GLDN: variants seen among roughly 807,000 people sequenced by gnomAD.
GLDN encodes collomin.
GLDN carries 47 observed loss-of-function variants against 56.5 expected under a neutral mutation model. The ratio of observed to expected loss-of-function variants is 0.83; its 90% CI spans 0.66 to 1.06. The LOEUF (loss-of-function observed/expected upper bound fraction) is 1.06, where lower values mean the gene tolerates loss of function less well. Among genes scored for constraint, GLDN ranks in the 50% least tolerant of loss-of-function variants. The pLI is 0.00. For missense variants in GLDN, 782 were observed against 714.3 expected (o/e 1.09, Z -1.08); for synonymous variants, 332 against 278.8 (o/e 1.19, Z -1.90).
At chr15:51,380,918 G>A (rs1453926710) in intron 2 of GLDN, among the ~76,000 whole-genome samples, 1 of 152,222 alleles carries the variant, frequency 6.6e-6, no homozygotes, top group Non-Finnish European at 1.5e-5. Context: ...CCACATCAGA[G>A]GGCCCATGAC....
At chr15:51,388,006 GT>G in intron 4 of GLDN, among the ~76,000 whole-genome samples, 1 of 152,286 alleles carries the variant, frequency 6.6e-6, no homozygotes, top group East Asian at 1.9e-4. Context: ...CTTTGCACGA[GT>G]ACTGCTAGGG....
intron 1 of GLDN, among the ~76,000 whole-genome samples, chr15:51,373,544 A>T (rs2037558988): frequency 6.6e-6 from 1 of 152,234 alleles, no homozygotes; most frequent in Non-Finnish European, 1.5e-5. Context: ...AGGCCAGATG[A>T]GGTGATGGGG....
chr15:51,356,164 G>A (rs1035762532), intron 1 of GLDN, among the ~76,000 whole-genome samples: 55 of 149,836 alleles, frequency 3.7e-4, no homozygotes, highest in African/African-American at 1.1e-3. Flanking sequence ...CCGAAATCGC[G>A]CCACTGCACT....
chr15:51,358,965 A>G (rs2037239632), intron 1 of GLDN, among the ~76,000 whole-genome samples: 1 of 152,108 alleles, frequency 6.6e-6, no homozygotes, highest in African/African-American at 2.4e-5. Context: ...GGGATAACCC[A>G]CAATTATGTA....
intron 1 of GLDN, among the ~76,000 whole-genome samples, chr15:51,347,255 C>A (rs1301213098): frequency 2.0e-5 from 3 of 152,164 alleles, no homozygotes; most frequent in Non-Finnish European, 4.4e-5. Flanking sequence ...CTCATAAGCA[C>A]ATGGGAAAAG....
intron 1 of GLDN, among the ~76,000 whole-genome samples, chr15:51,360,788 A>C (rs1022552233): frequency 4.6e-5 from 7 of 152,234 alleles, no homozygotes; most frequent in African/African-American, 1.7e-4. Context: ...TATTAGCTAA[A>C]GCAGGGGCCA....
chr15:51,373,672 C>T (rs1213100806), intron 1 of GLDN, among the ~76,000 whole-genome samples: 2 of 152,132 alleles, frequency 1.3e-5, no homozygotes, highest in Non-Finnish European at 2.9e-5. Context: ...AGACCAGCGA[C>T]GAGGCCAGTG....
intron 4 of GLDN, among the ~76,000 whole-genome samples, chr15:51,391,014 C>T (rs75667349): frequency 5.3e-5 from 8 of 152,314 alleles, no homozygotes; most frequent in Admixed American, 2.6e-4. Flanking sequence ...TGACATATCA[C>T]GGCGAAAGCA....
At chr15:51,353,713 TTAAA>T (rs1257859152) in intron 1 of GLDN, among the ~76,000 whole-genome samples, 13 of 80,518 alleles carry the variant, frequency 1.6e-4, no homozygotes, top group East Asian at 1.3e-3. Context: ...TCGGATTTGA[TTAAA>T]AAAAAAAAAA....
intron 1 of GLDN, among the ~76,000 whole-genome samples, chr15:51,360,713 C>G (rs1356883219): frequency 6.6e-6 from 1 of 152,190 alleles, no homozygotes; most frequent in Non-Finnish European, 1.5e-5. Context: ...ACTGGGGAAC[C>G]TTATTTTTCT....
Position 51,407,033 on chromosome 15 carries a change from C to G in GLDN, c.*2279C>G, listed in dbSNP as rs886490101. On this transcript the variant is annotated 3_prime_UTR_variant, in exon 10 of 10. Transcript: ENST00000335449. ...AACCAAAAGAGGTTGTTAATTAGCACATATTCCTTTTAGAAAAATGTTTCA... is the reference window on the plus strand; with the variant it reads ...AACCAAAAGAGGTTGTTAATTAGCAGATATTCCTTTTAGAAAAATGTTTCA... The G allele has an allele frequency of 1.3e-5, 2 of 152,176 alleles. No individual in the cohort carries two copies. Among genetic ancestry groups the G allele is most frequent in the Non-Finnish European group, 2.9e-5 (2 of 68,040 alleles). 9.4% of individuals were successfully genotyped at this position (152,176 alleles called of 1,614,324 possible).
At chr15:51,384,010 C>A (rs760864013) in intron 4 of GLDN, 118 bp downstream of exon 4, 2 of 810,120 alleles carry the variant, frequency 2.5e-6, no homozygotes, top group African/African-American at 1.7e-5. Flanking sequence ...CAGTTTAAGG[C>A]CGGTTTAACT....
At chr15:51,395,627 G>A (rs879325949) in intron 5 of GLDN, among the ~76,000 whole-genome samples, 1 of 152,108 alleles carries the variant, frequency 6.6e-6, no homozygotes, top group Admixed American at 6.5e-5. Flanking sequence ...ACTCTCTTAC[G>A]TGCAGCCCAG....
intron 4 of GLDN, among the ~76,000 whole-genome samples, chr15:51,386,150 G>A (rs568910085): frequency 1.4e-4 from 21 of 152,244 alleles, no homozygotes; most frequent in African/African-American, 4.6e-4. Flanking sequence ...CTTCTCTACA[G>A]CAATCTCCCA....
rs71297688 is a variant in GLDN, at chr15:51,374,736, C to CTTTTT, written c.364-2698_364-2694dup. On this transcript the variant is annotated intron_variant, in intron 1 of 9. Coordinates refer to ENST00000335449, the MANE Select transcript of GLDN (RefSeq NM_181789.4). ...GTACACATTTCTTTTCTTTCTTTTC[C>CTTTTT]TTTTTTTTTTTTTTTTTTTGAGACA... is the stretch of plus-strand genomic sequence containing the variant. 4.3e-3 allele frequency among the ~76,000 whole-genome samples: 475 copies of CTTTTT among 110,214 alleles called. 12 individuals carry two copies. Among genetic ancestry groups the CTTTTT allele is most frequent in the African/African-American group, 0.014 (452 of 31,432 alleles). 72.3% of individuals were successfully genotyped at this position (110,214 alleles called of 152,430 possible).
Position 51,404,410 on chromosome 15 carries a change from T to C in GLDN, c.1312T>C (p.Tyr438His), listed in dbSNP as rs746473982. The change falls in exon 10 of 10, where the codon TAT becomes CAT. Residue 438 changes from tyrosine (Y) to histidine (H), a missense_variant. Coordinates refer to ENST00000335449, the MANE Select transcript of GLDN (RefSeq NM_181789.4). The part of the protein sequence containing the change: ...AVDEKGLWII[Y>H]ASSVDGSSIL... ...AGATGAAAAGGGCCTTTGGATTATC[T>C]ATGCGTCAAGTGTGGACGGCTCGAG... is the stretch of plus-strand genomic sequence containing the variant. 1.2e-6 allele frequency: 2 copies of C among 1,614,212 alleles called. No homozygotes were observed. The highest frequency in any genetic ancestry group is 4.5e-5 in the East Asian group (2 of 44,886).
intron 8 of GLDN, among the ~76,000 whole-genome samples, chr15:51,401,293 A>G (rs2038244266): frequency 6.6e-6 from 1 of 152,244 alleles, no homozygotes; most frequent in Non-Finnish European, 1.5e-5. Context: ...TTGAAGGCCT[A>G]TGCCACTCTC....
At chr15:51,386,608 T>C (rs981344291) in intron 4 of GLDN, among the ~76,000 whole-genome samples, 4 of 152,232 alleles carry the variant, frequency 2.6e-5, no homozygotes, top group Admixed American at 6.5e-5. Context: ...TAAATGCTGC[T>C]GTGGCTGCTG....
chr15:51,372,771 T>C (rs946241618), intron 1 of GLDN, among the ~76,000 whole-genome samples: 1 of 152,212 alleles, frequency 6.6e-6, no homozygotes, highest in African/African-American at 2.4e-5. Flanking sequence ...GACCGGGCAC[T>C]ATTCTAGACA....
Sources: allele counts gnomAD v4.1 joint callset (sites outside exome capture counted in the v4.1 genomes callset), GRCh38; gene constraint gnomAD v4.1.1; transcripts MANE v1.5; gene names NCBI Gene and HGNC (gene_info 2026-07-23, HGNC 2026-07-21).